The following MAPKBP1 variants were observed in gnomAD, a reference collection of about 807,000 sequenced individuals.
The protein encoded by MAPKBP1 is mitogen-activated protein kinase binding protein 1, also known as mitogen-activated protein kinase-binding protein 1.
MAPKBP1 carries 71 observed loss-of-function variants against 170.5 expected under a neutral mutation model. The ratio of observed to expected loss-of-function variants is 0.42; its 90% CI spans 0.34 to 0.51. The LOEUF (loss-of-function observed/expected upper bound fraction) is 0.51, where lower values mean the gene tolerates loss of function less well. Ranked by LOEUF, MAPKBP1 falls within the 20% of genes least tolerant of loss-of-function variation. The pLI is 0.06. For synonymous variants in MAPKBP1, 719 were observed against 757.9 expected (o/e 0.95, Z 0.84); for missense variants, 1,598 against 1,933.0 (o/e 0.83, Z 3.25).
intron 2 of MAPKBP1, 41 bp downstream of exon 2, chr15:41,775,430 C>G (rs1448003623): frequency 7.0e-7 from 1 of 1,421,680 alleles, no homozygotes; most frequent in Non-Finnish European, 9.9e-7. Flanking sequence ...AACCCACCCT[C>G]TCCTGCTCCA....
rs1243938449 is a variant in MAPKBP1, at chr15:41,818,951, C to G, written c.2285C>G (p.Pro762Arg). Residue 762 changes from proline (P) to arginine (R), a missense_variant, in exon 20 of 31, where the codon CCC becomes CGC. By Grantham distance (103) the Pro-to-Arg change is moderately radical. Around this residue, in one of 6 missense-constraint regions of MAPKBP1, gnomAD observed 942 missense variants for 953.2 expected, o/e 0.99. Transcript: ENST00000457542. The surrounding 1 kb of genome is among the most constrained non-coding windows in gnomAD (Gnocchi z 5.2). ...TCCTCTCCCCAAAGGGCTTCTGGAC[C>G]CAACCGGTGAGAACAGAATGTGGGC... The part of the protein sequence containing the change: ...GPSSPQRASG[P>R]NRHQAPSMLS... The G allele has an allele frequency of 6.2e-7, 1 of 1,614,090 alleles. No individual in the cohort carries two copies. Among genetic ancestry groups the G allele is most frequent in the East Asian group, 2.2e-5 (1 of 44,892 alleles).
chr15:41,822,470 C>G, intron 26 of MAPKBP1, 48 bp downstream of exon 26: 1 of 1,605,428 alleles, frequency 6.2e-7, no homozygotes, highest in Non-Finnish European at 8.5e-7. Flanking sequence ...GCCCTTCTCC[C>G]CTCCTTGCCT....
Position 41,823,553 on chromosome 15 carries a change from G to A in MAPKBP1, c.3705G>A (p.Pro1235=), listed in dbSNP as rs777689645. The A allele has an allele frequency of 3.9e-5, 63 of 1,614,168 alleles. No homozygotes were observed. The highest frequency in any genetic ancestry group is 7.7e-5 in the South Asian group (7 of 91,086). ...CCCTGCCCCCAGCTGATGGCCGTCC[G>A]TCTCGGCCTCACTCCTATCAGAACC... The part of the protein sequence containing the change: ...LGSLPPADGR[P]SRPHSYQNPT... The change falls in exon 29 of 31, where the codon CCG becomes CCA. Residue 1235 remains proline, a synonymous_variant. Transcript: ENST00000457542.
At chr15:41,799,959 A>G (rs2064560854) in intron 3 of MAPKBP1, 45 bp downstream of exon 3, 1 of 1,520,922 alleles carries the variant, frequency 6.6e-7, no homozygotes, top group East Asian at 2.3e-5. Context: ...GGGAATTTAT[A>G]GCCACGCTAG....
chr15:41,790,801 C>T (rs1012481864), intron 2 of MAPKBP1, among the ~76,000 whole-genome samples: 1 of 152,172 alleles, frequency 6.6e-6, no homozygotes, highest in African/African-American at 2.4e-5. Flanking sequence ...CTACCTCTGA[C>T]CAGATGGCAC....
intron 2 of MAPKBP1, among the ~76,000 whole-genome samples, chr15:41,792,433 G>T (rs1290889908): frequency 6.6e-6 from 1 of 152,198 alleles, no homozygotes; most frequent in African/African-American, 2.4e-5. Flanking sequence ...GTTGGTATAC[G>T]CTTTCTTCCA....
chr15:41,809,783 G>A (rs1021233587), intron 3 of MAPKBP1, among the ~76,000 whole-genome samples: 13 of 152,216 alleles, frequency 8.5e-5, no homozygotes, highest in Non-Finnish European at 1.9e-4. Context: ...TGGAAAGGCA[G>A]GACCTGATTC....
intron 3 of MAPKBP1, 166 bp from the exon 4 acceptor site, chr15:41,810,717 C>CAAA (rs58612719): frequency 1.0e-4 from 43 of 431,808 alleles, no homozygotes; most frequent in East Asian, 6.1e-4. Flanking sequence ...GATCCTGTCT[C>CAAA]AAAAAAAAAA....
intron 5 of MAPKBP1, chr15:41,811,589 C>G: frequency 1.6e-6 from 1 of 614,328 alleles, no homozygotes; most frequent in Non-Finnish European, 3.0e-6. Context: ...CCCGGGGGCC[C>G]CCTGCTGGGC....
In MAPKBP1 at chr15:41,824,104, C is replaced by T. The variant is rs747792743; in HGVS notation, c.4213+43C>T. On this transcript the variant is annotated intron_variant, in intron 29 of 30. Transcript: ENST00000457542. Reference sequence around the variant, plus strand: ...GCTCTCATCTCCTGCCCCATCCTTACTCTCCCCTCTCTGTTGGCCGCTGTC... The same window carrying T: ...GCTCTCATCTCCTGCCCCATCCTTATTCTCCCCTCTCTGTTGGCCGCTGTC... 5.2e-6 allele frequency: 8 copies of T among 1,545,950 alleles called. No homozygotes were observed. The African/African-American group carries it at 6.8e-5, about 13-fold the overall frequency.
Position 41,810,927 on chromosome 15 carries a change from A to G in MAPKBP1, c.251A>G (p.His84Arg). The G allele has an allele frequency of 6.2e-7, 1 of 1,614,186 alleles. No homozygotes were observed. Among genetic ancestry groups the G allele is most frequent in the East Asian group, 2.2e-5 (1 of 44,864 alleles). Residue 84 changes from histidine (H) to arginine (R), a missense_variant, in exon 4 of 31, where the codon CAC becomes CGC. His to Arg is a conservative substitution (Grantham distance 29, BLOSUM62 0). This residue lies in a region of MAPKBP1 where 151 missense variants were observed against 191.4 expected (regional missense o/e 0.79). Transcript: ENST00000457542. ...LFNPRKHKQH[H>R]ILNSSRKTIT... ...AATCCCCGGAAACACAAACAGCACC[A>G]CATCCTCAACAGTTCCAGGTAAATG... is the stretch of plus-strand genomic sequence containing the variant.
At chr15:41,819,557 G>GGGCCCCCCCC in intron 21 of MAPKBP1, 38 bp from the exon 22 acceptor site, 1 of 1,384,684 alleles carries the variant, frequency 7.2e-7, no homozygotes, top group Non-Finnish European at 1.0e-6. Context: ...CGGGGGGGGG[G>GGGCCCCCCCC]CAGGAGACAC....
In MAPKBP1 at chr15:41,774,603, C is replaced by G. The variant is rs1348603055; in HGVS notation, c.-117C>G. The G allele has an allele frequency of 5.0e-5, 20 of 398,584 alleles. 1 individual carries two copies. In the Admixed American group the frequency reaches 8.4e-4, roughly 17 times the overall value. 24.7% of individuals were successfully genotyped at this position (398,584 alleles called of 1,614,324 possible). ...TGTGAGCGGGGTGGCCTTAGCTCGCCGAGGCTGGTGAGGCTGGGCCCGAAC... is the reference window on the plus strand; with the variant it reads ...TGTGAGCGGGGTGGCCTTAGCTCGCGGAGGCTGGTGAGGCTGGGCCCGAAC... On this transcript the variant is annotated 5_prime_UTR_variant, in exon 1 of 31. Coordinates refer to ENST00000457542, the MANE Select transcript of MAPKBP1 (RefSeq NM_014994.3).
At chr15:41,820,068 A>C (rs1304153231) in intron 22 of MAPKBP1, among the ~76,000 whole-genome samples, 1 of 152,216 alleles carries the variant, frequency 6.6e-6, no homozygotes, top group Non-Finnish European at 1.5e-5. Flanking sequence ...AGTTCTAAAG[A>C]TCCCGGTTAG....
Position 41,824,057 on chromosome 15 carries a change from C to T in MAPKBP1, c.4209C>T (p.Asp1403=). 6.3e-7 allele frequency: 1 copy of T among 1,599,946 alleles called. No individual in the cohort carries two copies. The highest frequency in any genetic ancestry group is 8.5e-7 in the Non-Finnish European group (1 of 1,177,522). ...AGCCAGGGGCAGCCCTGAGCCAGGA[C>T]TCAGGTGTGCACAGCTCCCCAGCTC... The part of the protein sequence containing the change: ...CTKPGAALSQ[D]SEPAVSLEQC... Residue 1403 remains aspartate, a synonymous_variant, in exon 29 of 31, where the codon GAC becomes GAT. Coordinates refer to ENST00000457542, the MANE Select transcript of MAPKBP1 (RefSeq NM_014994.3).
chr15:41,819,190 C>T, intron 20 of MAPKBP1, 56 bp from the exon 21 acceptor site: 1 of 1,592,346 alleles, frequency 6.3e-7, no homozygotes, highest in South Asian at 1.1e-5. Flanking sequence ...CCCACTGAGC[C>T]TCCTCTCCCC....
intron 2 of MAPKBP1, among the ~76,000 whole-genome samples, chr15:41,796,483 C>T (rs772719631): frequency 6.6e-6 from 1 of 152,114 alleles, no homozygotes; most frequent in African/African-American, 2.4e-5. Context: ...TGGAGCTCAA[C>T]GCAAAACCTC....
rs764618391 is a variant in MAPKBP1, at chr15:41,823,621, T to C, written c.3773T>C (p.Val1258Ala). 59 of 1,613,986 alleles carry C rather than the reference T, an allele frequency of 3.7e-5. No individual in the cohort carries two copies. Among genetic ancestry groups the C allele is most frequent in the Admixed American group, 1.8e-4 (11 of 59,994 alleles). The change falls in exon 29 of 31, where the codon GTT becomes GCT. Residue 1258 changes from valine to alanine, a missense_variant. Transcript: ENST00000457542. ...SMAKISRSIS[V>A]GENLGLVAEP... is the part of the protein sequence containing the mutation. Reference sequence around the variant, plus strand: ...GCCAAGATATCCCGCAGTATCTCTGTTGGGGAGAACCTGGGCCTGGTGGCT... The same window carrying C: ...GCCAAGATATCCCGCAGTATCTCTGCTGGGGAGAACCTGGGCCTGGTGGCT...
At position 41,817,184 on chromosome 15, in the gene MAPKBP1, G is replaced by A; in HGVS notation, c.1711+149G>A. The A allele has an allele frequency of 7.4e-7, 1 of 1,354,710 alleles. No homozygotes were observed. Among genetic ancestry groups the A allele is most frequent in the Non-Finnish European group, 1.0e-6 (1 of 998,190 alleles). The allele number at this position is 1,354,710 out of a possible 1,614,324, so 83.9% of individuals were successfully genotyped here. On this transcript the variant is annotated intron_variant, in intron 14 of 30. Transcript: ENST00000457542. The surrounding 1 kb of genome is among the most constrained non-coding windows in gnomAD (Gnocchi z 4.2). ...GCTGGTTGGGAAGATAGGTGGAACA[G>A]AGACTCTCAGTGCTGGGACTTGAGC...
Sources: allele counts gnomAD v4.1 joint callset (sites outside exome capture counted in the v4.1 genomes callset), GRCh38; gene constraint gnomAD v4.1.1; regional missense constraint gnomAD v4.1.1; non-coding constraint Gnocchi (gnomAD v3.1); transcripts MANE v1.5; gene names NCBI Gene and HGNC (gene_info 2026-07-23, HGNC 2026-07-21).